Variants in MYH13 observed in about 807,000 individuals in gnomAD.
MYH13 encodes the protein myosin heavy chain 13.
A neutral mutation model predicts 232.1 loss-of-function variants in MYH13; 177 were observed. That is an observed-to-expected ratio of 0.76 (90% CI 0.67 to 0.86). The LOEUF is 0.86. MYH13 is among the 40% of genes least tolerant of loss of function. MYH13 has a pLI of 0.00. For missense variants in MYH13, 2,246 were observed against 2,405.9 expected (o/e 0.93, Z 1.39); for synonymous variants, 884 against 923.5 (o/e 0.96, Z 0.78).
chr17:10,303,570 T>G, intron 37 of MYH13, 72 bp from the exon 38 acceptor site: 1 of 1,344,856 alleles, frequency 7.4e-7, no homozygotes, highest in Non-Finnish European at 1.1e-6. Flanking sequence ...CATGGGCCAA[T>G]CATTCTAGAG....
At chr17:10,302,899 C>G (rs1179808025) in intron 39 of MYH13, among the ~76,000 whole-genome samples, 1 of 150,472 alleles carries the variant, frequency 6.6e-6, no homozygotes, top group Non-Finnish European at 1.5e-5. Flanking sequence ...GATCCAACGC[C>G]AGCAGAGTAG....
intron 28 of MYH13, 41 bp from the exon 29 acceptor site, chr17:10,315,852 A>G (rs1372892348): frequency 4.3e-6 from 7 of 1,613,314 alleles, no homozygotes; most frequent in Non-Finnish European, 5.1e-6. Flanking sequence ...GTTACTGACC[A>G]CCCTCTCCCA....
At chr17:10,356,880 C>G (rs536590605) in intron 8 of MYH13, among the ~76,000 whole-genome samples, 2 of 152,258 alleles carry the variant, frequency 1.3e-5, no homozygotes, top group South Asian at 4.2e-4. Flanking sequence ...AAGTAAATGT[C>G]TTTTTGATTA....
chr17:10,313,701 T>A (rs1021733091), intron 29 of MYH13, among the ~76,000 whole-genome samples: 7 of 152,204 alleles, frequency 4.6e-5, no homozygotes, highest in Admixed American at 2.6e-4. Context: ...GGGTCTACCC[T>A]CTATTTCTTA....
At chr17:10,313,991 A>G (rs954488626) in intron 29 of MYH13, among the ~76,000 whole-genome samples, 2 of 151,676 alleles carry the variant, frequency 1.3e-5, no homozygotes, top group South Asian at 2.1e-4. Flanking sequence ...TCCATCCCTC[A>G]CTCCCTCCCA....
intron 2 of MYH13, among the ~76,000 whole-genome samples, chr17:10,369,917 G>C (rs1169346800): frequency 6.6e-6 from 1 of 152,208 alleles, no homozygotes; most frequent in Non-Finnish European, 1.5e-5. Flanking sequence ...ACAGCAGAAA[G>C]AGTTCAAACC....
Position 10,364,494 on chromosome 17 carries a change from C to A in MYH13, c.37G>T (p.Ala13Ser), listed in dbSNP as rs1347862940. ...SDAEMAIFGE[A>S]APYLRKPEKE... is the part of the protein sequence containing the mutation. The stretch of plus-strand genomic sequence containing the variant: ...TCTGGTTTCCGGAGGTAGGGAGCTG[C>A]TTCTCCAAAAATGGCCATTTCTGCG... Residue 13 changes from alanine (A) to serine (S), a missense_variant, in exon 3 of 41, where the codon GCA becomes TCA. By Grantham distance (99) the Ala-to-Ser change is moderately conservative. Coordinates refer to ENST00000252172, the MANE Select transcript of MYH13 (RefSeq NM_003802.3). 6.2e-7 allele frequency: 1 copy of A among 1,607,870 alleles called. No homozygotes were observed. Among genetic ancestry groups the A allele is most frequent in the African/African-American group, 1.3e-5 (1 of 74,854 alleles).
intron 12 of MYH13, among the ~76,000 whole-genome samples, 152 bp from the exon 13 acceptor site, chr17:10,346,950 GC>G (rs2071671333): frequency 6.6e-6 from 1 of 152,148 alleles, no homozygotes; most frequent in Non-Finnish European, 1.5e-5. Context: ...GTTCACTGAA[GC>G]TTTAATCCCA....
intron 13 of MYH13, among the ~76,000 whole-genome samples, chr17:10,346,009 A>C (rs1403012367): frequency 3.5e-5 from 5 of 142,490 alleles, no homozygotes; most frequent in African/African-American, 1.3e-4. Context: ...AAAAAAAAAA[A>C]AAAACAAAAG....
chr17:10,352,054 T>C (rs2071714581), intron 11 of MYH13, among the ~76,000 whole-genome samples: 1 of 152,122 alleles, frequency 6.6e-6, no homozygotes, highest in Non-Finnish European at 1.5e-5. Flanking sequence ...CCATATCCCA[T>C]TTCAGGGTTG....
chr17:10,333,304 G>A (rs1907476503), intron 18 of MYH13, 113 bp from the exon 19 acceptor site: 1 of 758,882 alleles, frequency 1.3e-6, no homozygotes, highest in Admixed American at 2.1e-5. Context: ...GAGTCAGTGA[G>A]TGGGAGAGTC....
intron 5 of MYH13, 137 bp from the exon 6 acceptor site, chr17:10,360,325 T>C: frequency 9.7e-7 from 1 of 1,035,464 alleles, no homozygotes; most frequent in Non-Finnish European, 1.4e-6. Context: ...GATTTGGGCA[T>C]GTCTAATCTT....
chr17:10,309,085 T>G, intron 35 of MYH13, 149 bp downstream of exon 35: 1 of 698,692 alleles, frequency 1.4e-6, no homozygotes, highest in Non-Finnish European at 2.2e-6. Flanking sequence ...TAAAAGAAAA[T>G]TTGTCTTGAC....
chr17:10,357,984 C>G (rs1418744905), intron 7 of MYH13, among the ~76,000 whole-genome samples, 157 bp from the exon 8 acceptor site: 3 of 152,056 alleles, frequency 2.0e-5, no homozygotes, highest in African/African-American at 7.2e-5. Flanking sequence ...CCACCCCCAC[C>G]AGACCTGAGG....
Position 10,311,126 on chromosome 17 carries a change from G to A in MYH13, c.4633C>T (p.Gln1545Ter). ...KLVEQEKSDL[Q>*]VALEEVEGSL... ...ACCTCCACTTCTTCTAAGGCGACCT[G>A]CAGATCTGACTTTTCCTGCTCCACT... Residue 1545 changes from glutamine to a stop codon, truncating the protein, a stop_gained, in exon 33 of 41, where the codon CAG (glutamine) becomes TAG (stop). Coordinates refer to ENST00000252172, the MANE Select transcript of MYH13 (RefSeq NM_003802.3). LOFTEE classifies it high-confidence loss of function. The A allele has an allele frequency of 1.2e-6, 2 of 1,613,998 alleles. No homozygotes were observed. Among genetic ancestry groups the A allele is most frequent in the Non-Finnish European group, 1.7e-6 (2 of 1,179,870 alleles).
In MYH13 at chr17:10,321,704, T is replaced by C. The variant is rs1170543943; in HGVS notation, c.2939A>G (p.Lys980Arg). 9 of 1,611,810 alleles carry C rather than the reference T, an allele frequency of 5.6e-6. No individual in the cohort carries two copies. In the Admixed American group the frequency reaches 1.5e-4, roughly 27 times the overall value. ...KEKHATENKV[K>R]NLSEEMTALE... ...TGCTGTCATTTCTTCGGAAAGATTC[T>C]TTACCTGGGACAATATTAACACCGA... Residue 980 changes from lysine to arginine, a missense_variant, in exon 24 of 41, where the codon AAG (lysine) becomes AGG (arginine). Lys to Arg is a conservative substitution (Grantham distance 26). Coordinates refer to ENST00000252172, the MANE Select transcript of MYH13 (RefSeq NM_003802.3).
Position 10,311,959 on chromosome 17 carries a change from C to T in MYH13, c.4483G>A (p.Val1495Met). The T allele has an allele frequency of 6.2e-7, 1 of 1,614,010 alleles. No homozygotes were observed. Among genetic ancestry groups the T allele is most frequent in the East Asian group, 2.2e-5 (1 of 44,870 alleles). ...LFKMRNAYEE[V>M]VDQLETLRRE... ...CTCAGTGTCTCTAACTGGTCCACCA[C>T]CTCCTCATAGGCATTCCTCATCTTG... The change falls in exon 32 of 41, where the codon GTG becomes ATG. Residue 1495 changes from valine (V) to methionine (M), a missense_variant. Coordinates refer to ENST00000252172, the MANE Select transcript of MYH13 (RefSeq NM_003802.3).
Position 10,320,489 on chromosome 17 carries a change from C to T in MYH13, c.3119G>A (p.Gly1040Asp), listed in dbSNP as rs1354974119. 1.9e-6 allele frequency: 3 copies of T among 1,612,530 alleles called. No individual in the cohort carries two copies. The South Asian group carries it at 3.3e-5, about 18-fold the overall frequency. ...CAGTTTCTTCTCCTGCTCTAAGGAA[C>T]CCTCAAGCTGAGAAGACACACAGGT... is the stretch of plus-strand genomic sequence containing the variant. ...KLEQQTDDLE[G>D]SLEQEKKLRA... is the part of the protein sequence containing the mutation. Residue 1040 changes from glycine to aspartate, a missense_variant, in exon 25 of 41, where the codon GGT (glycine) becomes GAT (aspartate). Transcript: ENST00000252172.
chr17:10,353,124 C>T (rs1431598583), intron 11 of MYH13, among the ~76,000 whole-genome samples: 1 of 152,140 alleles, frequency 6.6e-6, no homozygotes, highest in Non-Finnish European at 1.5e-5. Flanking sequence ...CAGACCTGTA[C>T]CTAATCAAGC....
Sources: allele counts gnomAD v4.1 joint callset (sites outside exome capture counted in the v4.1 genomes callset), GRCh38; gene constraint gnomAD v4.1.1; transcripts MANE v1.5; gene names NCBI Gene and HGNC (gene_info 2026-07-23, HGNC 2026-07-21).